The following GAB3 variants were observed in gnomAD, a reference collection of about 807,000 sequenced individuals.
The protein encoded by GAB3 is GRB2-associated-binding protein 3.
GAB3 carries 12 observed loss-of-function variants against 40.4 expected under a neutral mutation model. The ratio of observed to expected loss-of-function variants is 0.30; its 90% confidence interval spans 0.19 to 0.48. The LOEUF (loss-of-function observed/expected upper bound fraction) is 0.48, where lower values mean the gene tolerates loss of function less well. Among genes scored for constraint, GAB3 ranks in the 20% least tolerant of loss-of-function variants. The pLI is 0.99. For synonymous variants in GAB3, 154 were observed against 176.7 expected (o/e 0.87, Z 1.02); for missense variants, 381 against 461.9 (o/e 0.82, Z 1.61).
At chrX:154,707,794 C>A in intron 4 of GAB3, among the ~76,000 whole-genome samples, 1 of 111,545 alleles carries the variant, frequency 9.0e-6, no homozygotes, top group African/African-American at 3.3e-5. Context: ...TAATTATATG[C>A]AAAGAAAAGA....
At position 154,736,496 on chromosome X, in the gene GAB3, G is replaced by A. The variant is rs782032562; in HGVS notation, c.72+14458C>T. 4.4e-5 allele frequency among the ~76,000 whole-genome samples: 5 copies of A among 112,557 alleles called. No homozygotes were observed. In the South Asian group the frequency reaches 1.8e-3, roughly 41 times the overall value. ...ATAACAACATATTTGAGTGCTGACT[G>A]TTATCATCTAGAGCCAAGTGGATCC... On this transcript the variant is annotated intron_variant, in intron 1 of 9. Coordinates refer to ENST00000424127, the MANE Select transcript of GAB3 (RefSeq NM_001081573.3).
intron 4 of GAB3, among the ~76,000 whole-genome samples, chrX:154,710,893 T>C (rs1025342140): frequency 8.9e-6 from 1 of 112,840 alleles, no homozygotes; most frequent in Non-Finnish European, 1.9e-5. Context: ...TTTCATATGT[T>C]ATTATTCTAC....
intron 8 of GAB3, among the ~76,000 whole-genome samples, chrX:154,687,629 G>A (rs782492367): frequency 6.0e-3 from 388 of 64,156 alleles, no homozygotes; most frequent in Middle Eastern, 0.038. Context: ...GCGAGACTCT[G>A]TCTCAAAAAA....
intron 1 of GAB3, among the ~76,000 whole-genome samples, chrX:154,747,411 G>A (rs1436225512): frequency 8.9e-6 from 1 of 112,727 alleles, no homozygotes; most frequent in Non-Finnish European, 1.9e-5. Flanking sequence ...TGCAAGAAAA[G>A]AAACCATGAT....
At chrX:154,734,352 C>T (rs782631477) in intron 1 of GAB3, among the ~76,000 whole-genome samples, 143 of 112,920 alleles carry the variant, frequency 1.3e-3, no homozygotes, top group African/African-American at 4.4e-3. Context: ...AGCATGGTGA[C>T]GTTCTTATGT....
intron 1 of GAB3, among the ~76,000 whole-genome samples, chrX:154,750,067 T>A (rs2071589190): frequency 8.9e-6 from 1 of 112,133 alleles, no homozygotes; most frequent in Non-Finnish European, 1.9e-5. Context: ...GCAGAGAAAT[T>A]AGGAATTAAG....
chrX:154,678,842 C>T (rs1557246175), intron 9 of GAB3: 1 of 134,522 alleles, frequency 7.4e-6, no homozygotes, highest in East Asian at 2.4e-4. Flanking sequence ...CTTGAGGCTT[C>T]CCCAGCCACG....
intron 1 of GAB3, among the ~76,000 whole-genome samples, chrX:154,720,891 G>A (rs2071123004): frequency 9.0e-6 from 1 of 111,552 alleles, no homozygotes; most frequent in African/African-American, 3.3e-5. Flanking sequence ...TAGCCATTAA[G>A]CATCAACAGC....
chrX:154,720,590 G>A (rs1363277314), intron 1 of GAB3, among the ~76,000 whole-genome samples: 1 of 90,905 alleles, frequency 1.1e-5, no homozygotes, highest in Admixed American at 1.4e-4. Context: ...TCGCGCCACT[G>A]CACTCCAGCC....
At chrX:154,710,065 A>T (rs2070906253) in intron 4 of GAB3, among the ~76,000 whole-genome samples, 2 of 111,063 alleles carry the variant, frequency 1.8e-5, no homozygotes, top group South Asian at 8.4e-4. Context: ...TGTAATAATC[A>T]GTACATAATG....
chrX:154,714,524 A>G (rs781895295), intron 2 of GAB3, among the ~76,000 whole-genome samples: 143 of 112,018 alleles, frequency 1.3e-3, no homozygotes, highest in African/African-American at 4.5e-3. Context: ...TGTAATTCTC[A>G]GATGAAGAGG....
intron 1 of GAB3, among the ~76,000 whole-genome samples, chrX:154,721,490 T>G (rs1371774869): frequency 1.8e-5 from 2 of 111,325 alleles, no homozygotes; most frequent in Non-Finnish European, 3.8e-5. Flanking sequence ...ACTCTCTTGA[T>G]AACAAACCCA....
chrX:154,699,177 C>T, intron 6 of GAB3, 117 bp downstream of exon 6: 2 of 582,841 alleles, frequency 3.4e-6, no homozygotes, highest in Non-Finnish European at 5.7e-6. Flanking sequence ...CCTGACCTTA[C>T]ACTTTCCGGC....
chrX:154,713,357 G>T lies in GAB3; in HGVS notation c.446C>A (p.Thr149Asn), dbSNP rs782650243. 1 of 1,210,613 alleles carries T rather than the reference G, an allele frequency of 8.3e-7. No homozygotes were observed. Among genetic ancestry groups the T allele is most frequent in the East Asian group, 3.0e-5 (1 of 33,833 alleles). The part of the protein sequence containing the change: ...LQPSSASSLL[T>N]AHAASSSLPR... ...CAAAGAGGAGCTGGCAGCATGGGCG[G>T]TAAGAAGGGAGCTGGCAGAGGATGG... is the stretch of plus-strand genomic sequence containing the variant. Residue 149 changes from threonine (T) to asparagine (N), a missense_variant, in exon 3 of 10, where the codon ACC becomes AAC. This residue lies in a region of GAB3 where 364 missense variants were observed against 421.0 expected (regional missense o/e 0.86). Transcript: ENST00000424127.
Position 154,675,560 on chromosome X carries a change from C to G in GAB3, c.*2618G>C, listed in dbSNP as rs1254509787. ...GCTCCTGGGTTTGTCACCTTCTGGA[C>G]TTGCAGGCTTGAGACCCTTGGGTCC... On this transcript the variant is annotated 3_prime_UTR_variant, in exon 10 of 10. Coordinates refer to ENST00000424127, the MANE Select transcript of GAB3 (RefSeq NM_001081573.3). 1 of 112,384 alleles carries G rather than the reference C, an allele frequency of 8.9e-6. No individual in the cohort carries two copies. The highest frequency in any genetic ancestry group is 1.9e-5 in the Non-Finnish European group (1 of 53,277). The allele number at this position is 112,384 out of a possible 1,213,427, so 9.3% of individuals were successfully genotyped here. A position where few individuals can be genotyped will look rare whatever the true frequency, so the allele number is the denominator to read the frequency against.
chrX:154,710,082 C>T (rs1439994006), intron 4 of GAB3, among the ~76,000 whole-genome samples: 5 of 100,689 alleles, frequency 5.0e-5, no homozygotes, highest in African/African-American at 1.0e-4. Context: ...AATGCATATG[C>T]ATATCAAATC....
intron 2 of GAB3, among the ~76,000 whole-genome samples, chrX:154,715,640 C>A (rs2071035543): frequency 8.9e-6 from 1 of 111,875 alleles, no homozygotes; most frequent in African/African-American, 3.3e-5. Context: ...CAATAGGCAC[C>A]AGAAATGCTG....
intron 1 of GAB3, among the ~76,000 whole-genome samples, chrX:154,719,473 C>T (rs1303241764): frequency 1.8e-5 from 2 of 111,890 alleles, no homozygotes; most frequent in Non-Finnish European, 3.8e-5. Context: ...TAAAGTGGGG[C>T]AGGAGGAAGC....
intron 8 of GAB3, among the ~76,000 whole-genome samples, chrX:154,684,468 G>A (rs975410294): frequency 1.7e-4 from 19 of 110,667 alleles, no homozygotes; most frequent in Admixed American, 8.6e-4. Flanking sequence ...AAATTTATTG[G>A]TACAGAGTTG....
Sources: gnomAD v4.1 joint callset for allele counts (sites outside exome capture counted in the v4.1 genomes callset) on GRCh38, gnomAD v4.1.1 for gene constraint, gnomAD v4.1.1 regional missense constraint, MANE v1.5 for transcripts, NCBI Gene and HGNC (gene_info 2026-07-23, HGNC 2026-07-21) for gene names.